Variants in KHDRBS2 observed in about 807,000 individuals in gnomAD.
The protein encoded by KHDRBS2 is KH RNA binding domain containing, signal transduction associated 2, also known as KH domain-containing, RNA-binding, signal transduction-associated protein 2.
A neutral mutation model predicts 44.3 loss-of-function variants in KHDRBS2; 26 were observed. The observed-to-expected ratio is 0.59, with a 90% confidence interval of 0.43 to 0.81. The LOEUF is 0.81. Ranked by LOEUF, KHDRBS2 falls within the 40% of genes least tolerant of loss-of-function variation. The pLI, the probability that KHDRBS2 is intolerant of heterozygous loss-of-function variation, is 0.00. For synonymous variants in KHDRBS2, 194 were observed against 151.1 expected, an observed-to-expected ratio of 1.28 and a Z score of -2.08; for missense variants, 476 against 433.1, an observed-to-expected ratio of 1.10 and a Z score of -0.88.
In KHDRBS2 at chr6:61,954,868, A is replaced by G. The variant is rs1285282079; in HGVS notation, c.483+23198T>C. ...TACATATGCATGTGTATATACACAT[A>G]CATATGTGTATATATGTATATATAC... On this transcript the variant is annotated intron_variant, in intron 4 of 8. Coordinates refer to ENST00000281156, the MANE Select transcript of KHDRBS2 (RefSeq NM_152688.4). 4.8e-4 allele frequency among the ~76,000 whole-genome samples: 45 copies of G among 93,006 alleles called. 11 individuals are homozygous for G. The highest frequency in any genetic ancestry group is 2.5e-3 in the South Asian group (7 of 2,856). The allele number at this position is 93,006 out of a possible 152,430, so 61.0% of individuals were successfully genotyped here. A position where few individuals can be genotyped will look rare whatever the true frequency, so the allele number is the denominator to read the frequency against.
Position 61,822,995 on chromosome 6 carries a change from T to A in KHDRBS2, c.810+71640A>T, listed in dbSNP as rs903619437. On this transcript the variant is annotated intron_variant, in intron 6 of 8. Transcript: ENST00000281156. ...ACAGGCACCATTCCTATGTGGGTAG[T>A]TTTTTTTTACTATTAAATCTCCAGT... Among the ~76,000 whole-genome samples, 3 of 151,256 alleles carry A rather than the reference T, an allele frequency of 2.0e-5. No homozygotes were observed. In the Admixed American group the frequency reaches 2.0e-4, roughly 10 times the overall value.
intron 2 of KHDRBS2, 27 bp downstream of exon 2, chr6:62,177,158 A>G (rs201863571): frequency 2.8e-5 from 37 of 1,311,636 alleles, no homozygotes; most frequent in Non-Finnish European, 3.9e-5. Flanking sequence ...AATCAATTAT[A>G]TGAGAACAAA....
the KHDRBS2 span, among the ~76,000 whole-genome samples, chr6:61,606,996 C>G: frequency 6.6e-6 from 1 of 151,826 alleles, no homozygotes; most frequent in Admixed American, 6.6e-5. Context: ...AAATTAAAAC[C>G]ATAAAATAGA....
intron 3 of KHDRBS2, among the ~76,000 whole-genome samples, chr6:62,039,911 T>A (rs1219958507): frequency 6.6e-6 from 1 of 152,070 alleles, no homozygotes; most frequent in Non-Finnish European, 1.5e-5. Flanking sequence ...ACAGAGAAAC[T>A]GGAATCACCT....
chr6:61,736,208 T>C (rs1172050242), intron 6 of KHDRBS2, among the ~76,000 whole-genome samples: 1 of 49,986 alleles, frequency 2.0e-5, no homozygotes, highest in Middle Eastern at 0.013. Flanking sequence ...CTTTTTACTT[T>C]ACTTCACACA....
intron 2 of KHDRBS2, among the ~76,000 whole-genome samples, chr6:62,173,901 G>A (rs1820574522): frequency 6.6e-6 from 1 of 151,744 alleles, no homozygotes; most frequent in Non-Finnish European, 1.5e-5. Context: ...TAAGCATTGA[G>A]GGAATATATT....
intron 7 of KHDRBS2, among the ~76,000 whole-genome samples, chr6:61,726,375 C>T (rs989569572): frequency 6.6e-6 from 1 of 152,156 alleles, no homozygotes; most frequent in Non-Finnish European, 1.5e-5. Flanking sequence ...GACAAGGATG[C>T]CTTCTCTCAC....
At chr6:61,784,936 C>A (rs985429112) in intron 6 of KHDRBS2, among the ~76,000 whole-genome samples, 6 of 151,932 alleles carry the variant, frequency 3.9e-5, no homozygotes, top group Non-Finnish European at 8.8e-5. Context: ...TTTGCTTCAG[C>A]CTAGGAGTTT....
chr6:62,018,567 G>A (rs1028383416), intron 3 of KHDRBS2, among the ~76,000 whole-genome samples: 1 of 151,716 alleles, frequency 6.6e-6, no homozygotes, highest in African/African-American at 2.4e-5. Flanking sequence ...GGATGATCTC[G>A]ATATCCTGAC....
At chr6:62,037,700 C>A (rs1785590919) in intron 3 of KHDRBS2, among the ~76,000 whole-genome samples, 1 of 151,440 alleles carries the variant, frequency 6.6e-6, no homozygotes, top group Non-Finnish European at 1.5e-5. Flanking sequence ...TTTTTAAAAC[C>A]CTATAGTGAT....
Position 62,105,666 on chromosome 6 carries a change from CTT to C in KHDRBS2, c.220-57674_220-57673del, listed in dbSNP as rs1014361552. 3.7e-4 allele frequency among the ~76,000 whole-genome samples: 57 copies of C among 152,226 alleles called. No homozygotes were observed. In the South Asian group the frequency reaches 4.6e-3, roughly 12 times the overall value. On this transcript the variant is annotated intron_variant, in intron 2 of 8. Coordinates refer to ENST00000281156, the MANE Select transcript of KHDRBS2 (RefSeq NM_152688.4). ...TATTGTGTCTATTTGATTCTTCTCTCTTTTCTTTTTTATTAGTCTTGCTAGCG... is the reference window on the plus strand; with the variant it reads ...TATTGTGTCTATTTGATTCTTCTCTCTTCTTTTTTATTAGTCTTGCTAGCG...
At chr6:62,083,726 T>C (rs1797868005) in intron 2 of KHDRBS2, among the ~76,000 whole-genome samples, 1 of 152,110 alleles carries the variant, frequency 6.6e-6, no homozygotes, top group Non-Finnish European at 1.5e-5. Flanking sequence ...GCTAACTCCT[T>C]TGCAAGTCCT....
chr6:62,238,214 T>G (rs1455050711), intron 1 of KHDRBS2, among the ~76,000 whole-genome samples: 1 of 152,182 alleles, frequency 6.6e-6, no homozygotes, highest in Non-Finnish European at 1.5e-5. Flanking sequence ...ATTAATAATA[T>G]GTATGAAAAA....
rs542769678 is a variant in KHDRBS2 at position 62,031,743 on chromosome 6, GT to G, written c.336+16134del. On this transcript the variant is annotated intron_variant, in intron 3 of 8. Transcript: ENST00000281156. Reference sequence around the variant, plus strand: ...AGAGAACACCAGGTAGACTTATAAGGTTTTTGACTCTAGTGCCAGGCTACCA... The same window carrying G: ...AGAGAACACCAGGTAGACTTATAAGGTTTTGACTCTAGTGCCAGGCTACCA... 2.7e-3 allele frequency among the ~76,000 whole-genome samples: 417 copies of G among 152,136 alleles called. 3 individuals are homozygous for G. The highest frequency in any genetic ancestry group is 9.2e-3 in the African/African-American group (381 of 41,548).
At chr6:62,175,420 C>G (rs556640475) in intron 2 of KHDRBS2, among the ~76,000 whole-genome samples, 1 of 151,464 alleles carries the variant, frequency 6.6e-6, no homozygotes, top group Non-Finnish European at 1.5e-5. Context: ...AATATGTGGG[C>G]ATGATCAGTC....
intron 2 of KHDRBS2, among the ~76,000 whole-genome samples, chr6:62,111,867 T>C (rs1805078102): frequency 6.6e-6 from 1 of 151,946 alleles, no homozygotes; most frequent in African/African-American, 2.4e-5. Flanking sequence ...AGGTGACAGA[T>C]TGAGACCCTG....
chr6:61,815,506 G>C (rs1362890905), intron 6 of KHDRBS2, among the ~76,000 whole-genome samples: 1 of 152,084 alleles, frequency 6.6e-6, no homozygotes, highest in Non-Finnish European at 1.5e-5. Flanking sequence ...ACGAGTTCTT[G>C]CCAAACTATT....
At chr6:61,973,067 A>G (rs1192438) in intron 4 of KHDRBS2, among the ~76,000 whole-genome samples, 112,986 of 152,116 alleles carry the variant, frequency 0.74, 42,282 homozygotes, top group African/African-American at 0.84. Context: ...CTGGGAGGAG[A>G]AGGTTGCAGT....
At chr6:61,709,564 A>T (rs879479663) in intron 7 of KHDRBS2, among the ~76,000 whole-genome samples, 2 of 151,654 alleles carry the variant, frequency 1.3e-5, no homozygotes, top group South Asian at 4.1e-4. Flanking sequence ...ACTCTTCAAT[A>T]TCTTCTTTTC....
Sources: allele counts gnomAD v4.1 joint callset (sites outside exome capture counted in the v4.1 genomes callset), GRCh38; gene constraint gnomAD v4.1.1; transcripts MANE v1.5; gene names NCBI Gene and HGNC (gene_info 2026-07-23, HGNC 2026-07-21).